Variants in PTPRE observed in about 807,000 individuals in gnomAD.
PTPRE encodes protein tyrosine phosphatase receptor type E.
In PTPRE, 51 loss-of-function variants were observed where a neutral mutation model predicts 102.0. The ratio of observed to expected loss-of-function variants is 0.50; its 90% CI spans 0.40 to 0.63. PTPRE has a LOEUF of 0.63. PTPRE is among the 30% of genes least tolerant of loss of function. The pLI is 0.00. For synonymous variants in PTPRE, 345 were observed against 348.2 expected, an observed-to-expected ratio of 0.99 and a Z score of 0.10; for missense variants, 752 against 915.1, an observed-to-expected ratio of 0.82 and a Z score of 2.30.
At position 127,983,765 on chromosome 10, in the gene PTPRE, T is replaced by G. The variant is rs572013417; in HGVS notation, c.-8+1469T>G. The stretch of plus-strand genomic sequence containing the variant: ...GTACTGGCCCCTCCGCACCCCATTT[T>G]GCCTTCTGCCGCTTCCAAAATTTCC... On this transcript the variant is annotated intron_variant, in intron 2 of 20. Coordinates refer to ENST00000254667, the MANE Select transcript of PTPRE (RefSeq NM_006504.6). Among the ~76,000 whole-genome samples the G allele has an allele frequency of 9.8e-5, 15 of 152,302 alleles. No individual in the cohort carries two copies. The East Asian group carries it at 1.7e-3, about 18-fold the overall frequency.
chr10:128,042,306 G>A (rs1435463348), intron 3 of PTPRE, among the ~76,000 whole-genome samples: 2 of 152,222 alleles, frequency 1.3e-5, no homozygotes, highest in Non-Finnish European at 2.9e-5. Flanking sequence ...TCTGCAGACA[G>A]TCCCTCGGGT....
rs1845576924 is a variant in PTPRE at position 127,907,666 on chromosome 10, C to T, written c.-31+357C>T. 6.6e-6 allele frequency among the ~76,000 whole-genome samples: 1 copy of T among 152,138 alleles called. No homozygotes were observed. The highest frequency in any genetic ancestry group is 2.1e-4 in the South Asian group (1 of 4,824). ...GGCGGCAGGGCGGCGTACGTGAAAGCGGGCGACACAGAGAGGGGGTGCAGG... is the reference window on the plus strand; with the variant it reads ...GGCGGCAGGGCGGCGTACGTGAAAGTGGGCGACACAGAGAGGGGGTGCAGG... On this transcript the variant is annotated intron_variant, in intron 1 of 20. Coordinates refer to ENST00000254667, the MANE Select transcript of PTPRE (RefSeq NM_006504.6). The surrounding 1 kb of genome is among the most constrained non-coding windows in gnomAD (Gnocchi z 4.8).
At chr10:127,997,054 C>G (rs1336469452) in intron 2 of PTPRE, among the ~76,000 whole-genome samples, 1 of 152,140 alleles carries the variant, frequency 6.6e-6, no homozygotes, top group Non-Finnish European at 1.5e-5. Context: ...GTGCAACAGT[C>G]AAAATCAGGT....
At chr10:127,952,342 C>CCCCCCCTA (rs1849092588) in intron 1 of PTPRE, among the ~76,000 whole-genome samples, 1 of 141,798 alleles carries the variant, frequency 7.1e-6, no homozygotes, top group Non-Finnish European at 1.5e-5. Context: ...CCCGCCCCCC[C>CCCCCCCTA]TAGCCCTTAG....
intron 1 of PTPRE, among the ~76,000 whole-genome samples, chr10:127,945,860 A>T (rs901880595): frequency 1.4e-4 from 22 of 152,082 alleles, no homozygotes; most frequent in Non-Finnish European, 2.6e-4. Flanking sequence ...GGTCGCTGAC[A>T]TCATGGAGTT....
At chr10:127,988,398 A>T (rs10829315) in intron 2 of PTPRE, among the ~76,000 whole-genome samples, 106,685 of 150,572 alleles carry the variant, frequency 0.71, 38,065 homozygotes, top group African/African-American at 0.83. Context: ...CTTTGCCTCC[A>T]GGGTTCAAGC....
chr10:128,069,497 A>C lies in PTPRE; in HGVS notation c.1008-195A>C, dbSNP rs1042888181. The C allele has an allele frequency of 4.4e-5, 29 of 651,990 alleles. No homozygotes were observed. The African/African-American group carries it at 5.3e-4, about 12-fold the overall frequency. The allele number at this position is 651,990 out of a possible 1,614,324, so 40.4% of individuals were successfully genotyped here. On this transcript the variant is annotated intron_variant, in intron 12 of 20. Coordinates refer to ENST00000254667, the MANE Select transcript of PTPRE (RefSeq NM_006504.6). ...GCCTCTTAGTAGAGTGTCGGTGGCT[A>C]TCAGAGGACCGGCCTGAGATCACTT...
Position 128,034,325 on chromosome 10 carries a change from A to ACC in PTPRE, c.-7-6543_-7-6542dup, listed in dbSNP as rs58597055. On this transcript the variant is annotated intron_variant, in intron 2 of 20. Transcript: ENST00000254667. ...CACCCAAAACCCTCCCCTCCACACC[A>ACC]CCCCCCCCACCGACACACACACAGA... Among the ~76,000 whole-genome samples, 425 of 147,146 alleles carry ACC rather than the reference A, an allele frequency of 2.9e-3. 1 individual carries two copies. The highest frequency in any genetic ancestry group is 4.9e-3 in the Admixed American group (72 of 14,828).
At chr10:128,046,601 C>T (rs1041460143) in intron 3 of PTPRE, among the ~76,000 whole-genome samples, 1 of 151,900 alleles carries the variant, frequency 6.6e-6, no homozygotes, top group African/African-American at 2.4e-5. Context: ...GGAGTGGGAA[C>T]ATTTTGGTGA....
intron 6 of PTPRE, 57 bp from the exon 7 acceptor site, chr10:128,056,066 C>A: frequency 7.4e-7 from 1 of 1,353,700 alleles, no homozygotes; most frequent in Non-Finnish European, 1.1e-6. Context: ...GGGAAACTGA[C>A]ATGAGCATGG....
chr10:128,048,260 G>A (rs1564925896), intron 5 of PTPRE, among the ~76,000 whole-genome samples: 1 of 152,216 alleles, frequency 6.6e-6, no homozygotes, highest in East Asian at 1.9e-4. Context: ...TGTTTACAGA[G>A]CATCAGAGTC....
Position 128,011,188 on chromosome 10 carries a change from G to A in PTPRE, c.-8+28892G>A, listed in dbSNP as rs187959373. On this transcript the variant is annotated intron_variant, in intron 2 of 20. Coordinates refer to ENST00000254667, the MANE Select transcript of PTPRE (RefSeq NM_006504.6). ...TTTGGGTGTTAAATTTCTTGGCTGG[G>A]GTAGAGATAACAGACCCACAGATTG... is the stretch of plus-strand genomic sequence containing the variant. Among the ~76,000 whole-genome samples, 353 of 152,284 alleles carry A rather than the reference G, an allele frequency of 2.3e-3. 1 individual carries two copies. Among genetic ancestry groups the A allele is most frequent in the African/African-American group, 8.1e-3 (338 of 41,562 alleles).
chr10:127,971,373 G>A (rs1850717648), intron 1 of PTPRE, among the ~76,000 whole-genome samples: 1 of 152,204 alleles, frequency 6.6e-6, no homozygotes, highest in Non-Finnish European at 1.5e-5. Context: ...CCCCCCTGGA[G>A]GGCGTCTCCA....
chr10:127,992,631 C>G (rs186841982), intron 2 of PTPRE, among the ~76,000 whole-genome samples: 1 of 152,124 alleles, frequency 6.6e-6, no homozygotes, highest in Non-Finnish European at 1.5e-5. Context: ...AGGGCCAGAC[C>G]GCAGGCCTGG....
chr10:127,921,180 G>A (rs1465991211), intron 1 of PTPRE, among the ~76,000 whole-genome samples: 2 of 152,232 alleles, frequency 1.3e-5, no homozygotes, highest in African/African-American at 2.4e-5. Flanking sequence ...TGTTGAGGGT[G>A]CACTTGCTGA....
chr10:128,067,900 C>T (rs142128415), intron 11 of PTPRE, among the ~76,000 whole-genome samples: 6 of 152,278 alleles, frequency 3.9e-5, no homozygotes, highest in South Asian at 4.1e-4. Flanking sequence ...TGGGCATAGA[C>T]GGTTGCTGCG....
At chr10:128,040,656 T>C (rs962723846) in intron 2 of PTPRE, among the ~76,000 whole-genome samples, 3 of 152,182 alleles carry the variant, frequency 2.0e-5, no homozygotes, top group Non-Finnish European at 4.4e-5. Context: ...CTTTGAGTCC[T>C]GGTTCCCTCC....
rs532616551 is a variant in PTPRE at position 127,969,345 on chromosome 10, CCTGGTG to C, written c.-30-12927_-30-12922del. On this transcript the variant is annotated intron_variant, in intron 1 of 20. Transcript: ENST00000254667. ...GAGAGGGCAGGGGCCGTGAAGACATCCTGGTGCCTTTGCAGGGTCGTCATGAGGATA... is the reference window on the plus strand; with the variant it reads ...GAGAGGGCAGGGGCCGTGAAGACATCCCTTTGCAGGGTCGTCATGAGGATA... 5.9e-5 allele frequency among the ~76,000 whole-genome samples: 9 copies of C among 152,252 alleles called. No homozygotes were observed. In the South Asian group the frequency reaches 1.9e-3, roughly 32 times the overall value.
Position 128,085,185 on chromosome 10 carries a change from C to T in PTPRE, c.*2279C>T, listed in dbSNP as rs141386359. The T allele has an allele frequency of 9.3e-4, 413 of 442,558 alleles. 2 individuals are homozygous for T. The highest frequency in any genetic ancestry group is 7.4e-3 in the African/African-American group (366 of 49,736). 27.4% of individuals were successfully genotyped at this position (442,558 alleles called of 1,614,324 possible). A position where few individuals can be genotyped will look rare whatever the true frequency, so the allele number is the denominator to read the frequency against. On this transcript the variant is annotated 3_prime_UTR_variant, in exon 21 of 21. Transcript: ENST00000254667. Reference sequence around the variant, plus strand: ...TACAGCCTCATGGCCTCTACCAAGGCCCCAGATCACAGGATCTCCTGGGCC... The same window carrying T: ...TACAGCCTCATGGCCTCTACCAAGGTCCCAGATCACAGGATCTCCTGGGCC...
Sources: allele counts gnomAD v4.1 joint callset (sites outside exome capture counted in the v4.1 genomes callset), GRCh38; gene constraint gnomAD v4.1.1; non-coding constraint Gnocchi (gnomAD v3.1); transcripts MANE v1.5; gene names NCBI Gene and HGNC (gene_info 2026-07-23, HGNC 2026-07-21).